The following MYL1 variants were observed in gnomAD, a reference collection of about 807,000 sequenced individuals.
The protein encoded by MYL1 is myosin light chain 1/3, skeletal muscle isoform.
A neutral mutation model predicts 21.8 loss-of-function variants in MYL1; 16 were observed. That is an observed-to-expected ratio of 0.74 (90% CI 0.50 to 1.12). MYL1 has a LOEUF of 1.12. Among genes scored for constraint, MYL1 ranks in the 50% most tolerant of loss-of-function variants. The pLI is 0.00. For missense variants in MYL1, 246 were observed against 241.0 expected (o/e 1.02, Z -0.14); for synonymous variants, 99 against 85.2 (o/e 1.16, Z -0.89).
intron 1 of MYL1, among the ~76,000 whole-genome samples, chr2:210,303,903 G>T (rs753685027): frequency 9.9e-5 from 15 of 152,138 alleles, no homozygotes; most frequent in Non-Finnish European, 2.1e-4. Context: ...TTTGATGGCA[G>T]AAGAGCTTAG....
At chr2:210,303,982 A>G (rs1690302754) in intron 1 of MYL1, among the ~76,000 whole-genome samples, 1 of 152,154 alleles carries the variant, frequency 6.6e-6, no homozygotes, top group Admixed American at 6.5e-5. Flanking sequence ...TCTAGTCAGC[A>G]AGTTTTGGTA....
intron 1 of MYL1, among the ~76,000 whole-genome samples, chr2:210,306,581 A>C (rs1039763926): frequency 6.6e-6 from 1 of 152,136 alleles, no homozygotes; most frequent in Non-Finnish European, 1.5e-5. Flanking sequence ...AATCAACATA[A>C]ATATTTGAGC....
At chr2:210,303,026 C>T (rs1479561521) in intron 1 of MYL1, 2 of 553,710 alleles carry the variant, frequency 3.6e-6, no homozygotes, top group Non-Finnish European at 6.4e-6. Flanking sequence ...ACATTTAATA[C>T]TTCCTAGAAA....
intron 1 of MYL1, among the ~76,000 whole-genome samples, chr2:210,310,549 T>TG (rs1365248388): frequency 2.0e-5 from 3 of 152,142 alleles, no homozygotes; most frequent in Admixed American, 1.3e-4. Context: ...TAATAGCATT[T>TG]GAAAAATATC....
chr2:210,304,145 G>A (rs1690304701), intron 1 of MYL1, among the ~76,000 whole-genome samples: 1 of 152,178 alleles, frequency 6.6e-6, no homozygotes, highest in African/African-American at 2.4e-5. Flanking sequence ...GCGCACCCAA[G>A]TGACAATCTG....
intron 4 of MYL1, 136 bp downstream of exon 4, chr2:210,294,109 A>G: frequency 1.0e-6 from 1 of 969,612 alleles, no homozygotes; most frequent in Non-Finnish European, 1.5e-6. Flanking sequence ...TGAAATGGTC[A>G]TTAACTTTTG....
At position 210,298,148 on chromosome 2, in the gene MYL1, A is replaced by G. The variant is rs545159610; in HGVS notation, c.304+272T>C. Among the ~76,000 whole-genome samples, 10 of 152,190 alleles carry G rather than the reference A, an allele frequency of 6.6e-5. No individual in the cohort carries two copies. The South Asian group carries it at 2.1e-3, about 32-fold the overall frequency. ...CTAATGCTTAACATTAGATATTAGCATGACATTTTACCACGCTTGCAAATT... is the reference window on the plus strand; with the variant it reads ...CTAATGCTTAACATTAGATATTAGCGTGACATTTTACCACGCTTGCAAATT... On this transcript the variant is annotated intron_variant, in intron 3 of 6. Transcript: ENST00000352451.
At chr2:210,290,978 A>G in intron 6 of MYL1, 54 bp downstream of exon 6, 3 of 1,287,140 alleles carry the variant, frequency 2.3e-6, no homozygotes, top group South Asian at 1.4e-5. Flanking sequence ...GTCAAGTTTT[A>G]AAAAACACAA....
chr2:210,305,854 G>T (rs1234200421), intron 1 of MYL1, among the ~76,000 whole-genome samples: 14 of 148,554 alleles, frequency 9.4e-5, no homozygotes, highest in Admixed American at 8.1e-4. Flanking sequence ...TGAGGTTGGG[G>T]GTTCAAGACC....
chr2:210,300,536 G>T (rs924812615), intron 2 of MYL1, among the ~76,000 whole-genome samples: 2 of 151,914 alleles, frequency 1.3e-5, no homozygotes, highest in African/African-American at 2.4e-5. Flanking sequence ...TTACTATTTG[G>T]CCTTTTAAGA....
At chr2:210,291,527 A>C (rs1308487080) in intron 5 of MYL1, among the ~76,000 whole-genome samples, 2 of 152,232 alleles carry the variant, frequency 1.3e-5, no homozygotes, top group Non-Finnish European at 2.9e-5. Flanking sequence ...TTACTGCTAA[A>C]TTGACAGAGC....
At chr2:210,296,177 G>T (rs1464781699) in intron 3 of MYL1, among the ~76,000 whole-genome samples, 2 of 152,222 alleles carry the variant, frequency 1.3e-5, no homozygotes, top group Admixed American at 6.5e-5. Context: ...CATACTAATT[G>T]TATGTATTTA....
intron 1 of MYL1, among the ~76,000 whole-genome samples, chr2:210,308,657 T>C (rs1690375527): frequency 6.6e-6 from 1 of 151,476 alleles, no homozygotes; most frequent in African/African-American, 2.4e-5. Context: ...AACAAAACAA[T>C]TCAGACCTAC....
chr2:210,299,151 G>C (rs995034789), intron 2 of MYL1, among the ~76,000 whole-genome samples: 2 of 152,050 alleles, frequency 1.3e-5, no homozygotes, highest in African/African-American at 2.4e-5. Flanking sequence ...ACTCTATTAG[G>C]CTCCTCGTAT....
At chr2:210,298,895 CT>C (rs1181207205) in intron 2 of MYL1, among the ~76,000 whole-genome samples, 2 of 152,134 alleles carry the variant, frequency 1.3e-5, no homozygotes, top group Admixed American at 1.3e-4. Flanking sequence ...CCTTGAGAAA[CT>C]TTAATAATCT....
intron 1 of MYL1, among the ~76,000 whole-genome samples, chr2:210,307,587 A>G (rs1317271807): frequency 6.6e-6 from 1 of 152,090 alleles, no homozygotes; most frequent in Non-Finnish European, 1.5e-5. Flanking sequence ...TGTTCTTTTT[A>G]AGGCTCTTTT....
intron 1 of MYL1, chr2:210,303,717 T>G: frequency 1.0e-5 from 8 of 770,864 alleles, no homozygotes; most frequent in Non-Finnish European, 1.5e-5. Context: ...CTTGGAGAGT[T>G]CTTTAGCTTT....
chr2:210,311,953 T>C (rs1690425058), intron 1 of MYL1, among the ~76,000 whole-genome samples: 1 of 152,018 alleles, frequency 6.6e-6, no homozygotes, highest in Admixed American at 6.6e-5. Context: ...AAGTAAGCAT[T>C]CCTTCAGAGA....
At chr2:210,308,000 C>T (rs2125743872) in intron 1 of MYL1, among the ~76,000 whole-genome samples, 1 of 152,194 alleles carries the variant, frequency 6.6e-6, no homozygotes, top group Middle Eastern at 3.4e-3. Flanking sequence ...ATTGGGGAGA[C>T]ATGTAATGTC....
Sources: gnomAD v4.1 joint callset for allele counts (sites outside exome capture counted in the v4.1 genomes callset) on GRCh38, gnomAD v4.1.1 for gene constraint, MANE v1.5 for transcripts, NCBI Gene and HGNC (gene_info 2026-07-23, HGNC 2026-07-21) for gene names.